The following FBXW8 variants were observed in gnomAD, a reference collection of about 807,000 sequenced individuals.
FBXW8 encodes the protein F-box and WD repeat domain containing 8, also known as F-box/WD repeat-containing protein 8.
In FBXW8, 57 loss-of-function variants were observed where a neutral mutation model predicts 65.3. That is an observed-to-expected ratio of 0.87 (90% CI 0.71 to 1.09). FBXW8 has a LOEUF of 1.09. Among genes scored for constraint, FBXW8 ranks in the 50% least tolerant of loss-of-function variants. The probability of loss-of-function intolerance (pLI) is 0.00; values close to 1 mark genes in which losing one functional copy is unlikely to be tolerated. For synonymous variants in FBXW8, 308 were observed against 330.2 expected (o/e 0.93, Z 0.73); for missense variants, 777 against 814.8 (o/e 0.95, Z 0.57).
At chr12:116,970,227 C>T (rs1884570932) in intron 5 of FBXW8, among the ~76,000 whole-genome samples, 1 of 152,218 alleles carries the variant, frequency 6.6e-6, no homozygotes, top group East Asian at 1.9e-4. Context: ...AGATTACACA[C>T]TTCTTAGGTG....
chr12:116,931,786 A>G (rs1457604621), intron 2 of FBXW8, among the ~76,000 whole-genome samples: 2 of 151,402 alleles, frequency 1.3e-5, no homozygotes, highest in Non-Finnish European at 2.9e-5. Flanking sequence ...TTATGTTTAT[A>G]TTGTCTGTAA....
chr12:116,944,470 G>A (rs1238973180), intron 2 of FBXW8, among the ~76,000 whole-genome samples: 1 of 152,086 alleles, frequency 6.6e-6, no homozygotes, highest in Admixed American at 6.6e-5. Flanking sequence ...AGAGTACAGG[G>A]TACTGTAACC....
At chr12:116,964,642 C>A in intron 4 of FBXW8, 55 bp from the exon 5 acceptor site, 2 of 1,603,566 alleles carry the variant, frequency 1.2e-6, no homozygotes, top group South Asian at 1.1e-5. Context: ...ATTTTCCCCA[C>A]CATAGCCCTG....
chr12:116,918,892 C>T (rs1880650493), intron 1 of FBXW8, among the ~76,000 whole-genome samples: 1 of 152,148 alleles, frequency 6.6e-6, no homozygotes, highest in African/African-American at 2.4e-5. Flanking sequence ...CCACCTTATC[C>T]ACTGGAGATA....
At chr12:117,025,055 G>C (rs1954192327) in intron 9 of FBXW8, among the ~76,000 whole-genome samples, 1 of 152,138 alleles carries the variant, frequency 6.6e-6, no homozygotes, top group Non-Finnish European at 1.5e-5. Flanking sequence ...CCCAGGGCTG[G>C]CTCATCAGAG....
intron 2 of FBXW8, among the ~76,000 whole-genome samples, chr12:116,933,068 G>T (rs1027351709): frequency 1.3e-5 from 2 of 152,256 alleles, no homozygotes; most frequent in Non-Finnish European, 2.9e-5. Context: ...CCTATGAGTT[G>T]CATTAAGCAT....
At chr12:116,951,239 C>T (rs963360648) in intron 4 of FBXW8, 18 of 152,190 alleles carry the variant, frequency 1.2e-4, no homozygotes, top group African/African-American at 4.1e-4. Flanking sequence ...TCTAAGAAAA[C>T]CTTACGTTGA....
Position 117,014,391 on chromosome 12 carries a change from G to A in FBXW8, c.1367+3941G>A, listed in dbSNP as rs144798593. 1.8e-3 allele frequency among the ~76,000 whole-genome samples: 278 copies of A among 152,210 alleles called. 10 individuals carry two copies. The highest frequency in any genetic ancestry group is 0.016 in the Admixed American group (250 of 15,292). ...TAGCTACAACAAGTTCTTTAAAGTC[G>A]TTGAGGGTTCCCAAACTAGCTTATC... On this transcript the variant is annotated intron_variant, in intron 8 of 10. Transcript: ENST00000652555.
Position 116,964,729 on chromosome 12 carries a change from C to A in FBXW8, c.710C>A (p.Thr237Asn). 1 of 1,613,740 alleles carries A rather than the reference C, an allele frequency of 6.2e-7. No individual in the cohort carries two copies. Residue 237 changes from threonine to asparagine, a missense_variant, in exon 5 of 11, where the codon ACC becomes AAC. By Grantham distance (65) the Thr-to-Asn change is moderately conservative. Transcript: ENST00000652555. ...TCAGGGGATGTGAGAGTGTGGGACA[C>A]CCGCACCTGGGACTACGTAGCCCCC... is the stretch of plus-strand genomic sequence containing the variant. ...YTSGDVRVWD[T>N]RTWDYVAPFL...
chr12:116,931,239 A>G (rs1311586033), intron 2 of FBXW8, among the ~76,000 whole-genome samples: 3 of 152,286 alleles, frequency 2.0e-5, no homozygotes, highest in South Asian at 2.1e-4. Flanking sequence ...TTACTGGTCT[A>G]TATATCTGTT....
chr12:116,999,763 A>G (rs974854150), intron 7 of FBXW8, among the ~76,000 whole-genome samples: 1 of 152,144 alleles, frequency 6.6e-6, no homozygotes, highest in African/African-American at 2.4e-5. Flanking sequence ...TGCTTCCAGA[A>G]TGAGACCCCT....
At chr12:117,012,220 G>A (rs924556472) in intron 8 of FBXW8, among the ~76,000 whole-genome samples, 1 of 140,750 alleles carries the variant, frequency 7.1e-6, no homozygotes, top group Non-Finnish European at 1.5e-5. Context: ...AGTGTCAAAG[G>A]GCTCTCTGGT....
intron 5 of FBXW8, among the ~76,000 whole-genome samples, chr12:116,970,904 C>T (rs1314764927): frequency 6.6e-6 from 1 of 151,970 alleles, no homozygotes; most frequent in African/African-American, 2.4e-5. Flanking sequence ...ACCCTTAGGT[C>T]CAGGAATCTA....
intron 9 of FBXW8, 132 bp from the exon 10 acceptor site, chr12:117,027,260 CTG>C: frequency 1.4e-6 from 1 of 696,954 alleles, no homozygotes; most frequent in Non-Finnish European, 2.5e-6. Context: ...CATGGGGGCC[CTG>C]TTCCCTCTGT....
chr12:116,949,359 T>A, intron 3 of FBXW8: 1 of 491,208 alleles, frequency 2.0e-6, no homozygotes, highest in South Asian at 2.4e-5. Context: ...TTCTGTAACC[T>A]CCTGGAGGAT....
intron 7 of FBXW8, among the ~76,000 whole-genome samples, chr12:116,994,707 T>G (rs187213248): frequency 1.3e-5 from 2 of 152,234 alleles, no homozygotes; most frequent in Middle Eastern, 3.2e-3. Flanking sequence ...AAAGAACTTT[T>G]TCATGTTTTG....
At chr12:117,024,549 T>A (rs1223608779) in intron 9 of FBXW8, among the ~76,000 whole-genome samples, 2 of 152,242 alleles carry the variant, frequency 1.3e-5, no homozygotes, top group Non-Finnish European at 2.9e-5. Flanking sequence ...GTCTCTGACA[T>A]CATTCAGATC....
At chr12:116,944,581 G>A (rs1882808799) in intron 2 of FBXW8, among the ~76,000 whole-genome samples, 1 of 152,196 alleles carries the variant, frequency 6.6e-6, no homozygotes, top group Non-Finnish European at 1.5e-5. Flanking sequence ...TGCAGACCGG[G>A]ATCACGCTGA....
At chr12:116,978,210 C>T (rs1242576941) in intron 5 of FBXW8, 1 of 152,120 alleles carries the variant, frequency 6.6e-6, no homozygotes, top group East Asian at 1.9e-4. Flanking sequence ...TTTTCGTGAC[C>T]CTCCGTGGTT....
Sources: gnomAD v4.1 joint callset for allele counts (sites outside exome capture counted in the v4.1 genomes callset) on GRCh38, gnomAD v4.1.1 for gene constraint, MANE v1.5 for transcripts, NCBI Gene and HGNC (gene_info 2026-07-23, HGNC 2026-07-21) for gene names.